POU2F3: variants seen among roughly 807,000 people sequenced by gnomAD.
POU2F3 encodes POU domain, class 2, transcription factor 3.
In POU2F3, 23 loss-of-function variants were observed where a neutral mutation model predicts 59.2. The observed-to-expected ratio is 0.39, with a 90% CI of 0.28 to 0.55. POU2F3 has a LOEUF of 0.55. POU2F3 is among the 20% of genes least tolerant of loss of function. POU2F3 has a pLI of 0.66. For synonymous variants in POU2F3, 190 were observed against 214.6 expected (o/e 0.89, Z 1.00); for missense variants, 473 against 544.5 (o/e 0.87, Z 1.31).
rs571481227 is a variant in POU2F3 at position 120,243,918 on chromosome 11, G to A, written c.29-2531G>A. Among the ~76,000 whole-genome samples the A allele has an allele frequency of 2.3e-3, 345 of 152,310 alleles. 1 individual carries two copies. The highest frequency in any genetic ancestry group is 0.01 in the Middle Eastern group (3 of 294). On this transcript the variant is annotated intron_variant, in intron 1 of 12. Transcript: ENST00000543440. ...GGGGAGGGGGTTGATGCCTTTGAAA[G>A]TTATTTTTAGACATGATTAAGACTA...
At chr11:120,259,828 T>G (rs1939515411) in intron 2 of POU2F3, among the ~76,000 whole-genome samples, 1 of 152,216 alleles carries the variant, frequency 6.6e-6, no homozygotes. Flanking sequence ...CTCTGACCAT[T>G]AGGCCACACT....
rs535267390 is a variant in POU2F3, at chr11:120,305,626, C to T, written c.628-18C>T. 3 of 1,612,678 alleles carry T rather than the reference C, an allele frequency of 1.9e-6. No homozygotes were observed. Among genetic ancestry groups the T allele is most frequent in the East Asian group, 4.5e-5 (2 of 44,854 alleles). ...GAGGCTGCCTCTCATGTTCCTCCCCCTCGGTCCCCACGCTTAGGGAGATGT... is the reference window on the plus strand; with the variant it reads ...GAGGCTGCCTCTCATGTTCCTCCCCTTCGGTCCCCACGCTTAGGGAGATGT... On this transcript the variant is annotated intron_variant, in intron 7 of 12. Coordinates refer to ENST00000543440, the MANE Select transcript of POU2F3 (RefSeq NM_014352.4).
At chr11:120,282,452 T>TC (rs1193616370) in intron 3 of POU2F3, among the ~76,000 whole-genome samples, 1 of 152,160 alleles carries the variant, frequency 6.6e-6, no homozygotes, top group East Asian at 1.9e-4. Context: ...GGCTAGGAGT[T>TC]CAAGACCAGG....
intron 11 of POU2F3, among the ~76,000 whole-genome samples, chr11:120,316,732 A>T (rs1328531915): frequency 1.3e-5 from 2 of 152,184 alleles, no homozygotes; most frequent in Non-Finnish European, 2.9e-5. Context: ...AGTTCAGTTC[A>T]TTACTCTAGT....
chr11:120,267,942 G>C (rs1189935739), intron 2 of POU2F3, among the ~76,000 whole-genome samples: 1 of 152,014 alleles, frequency 6.6e-6, no homozygotes, highest in Non-Finnish European at 1.5e-5. Context: ...TTGTGCGGCA[G>C]CTCCAGTCCT....
intron 2 of POU2F3, chr11:120,253,452 G>A (rs1939204058): frequency 6.6e-6 from 1 of 152,238 alleles, no homozygotes; most frequent in Admixed American, 6.5e-5. Context: ...TGGAGACGGA[G>A]TTTCACCATG....
rs951457162 is a variant in POU2F3, at chr11:120,319,118, GC to G, written c.*727del. The G allele has an allele frequency of 6.6e-6, 1 of 152,590 alleles. No homozygotes were observed. The highest frequency in any genetic ancestry group is 2.4e-5 in the African/African-American group (1 of 41,428). The allele number at this position is 152,590 out of a possible 1,614,324, so 9.5% of individuals were successfully genotyped here. A position where few individuals can be genotyped will look rare whatever the true frequency, so the allele number is the denominator to read the frequency against. On this transcript the variant is annotated 3_prime_UTR_variant, in exon 13 of 13. Coordinates refer to ENST00000543440, the MANE Select transcript of POU2F3 (RefSeq NM_014352.4). ...CCACGTCTGCCTAGGGCTCAGGAGTGCTTGTTCTTTCCCTTCCTCCCTGTGT... is the reference window on the plus strand; with the variant it reads ...CCACGTCTGCCTAGGGCTCAGGAGTGTTGTTCTTTCCCTTCCTCCCTGTGT...
At chr11:120,236,724 C>A (rs1022449889), upstream of POU2F3, 1 of 1,467,728 alleles carries the variant, frequency 6.8e-7, no homozygotes, top group Non-Finnish European at 9.2e-7. Flanking sequence ...GAGTTCTCTA[C>A]GTTCCCATTC....
At position 120,317,263 on chromosome 11, in the gene POU2F3, G is replaced by T; in HGVS notation, c.1170G>T (p.Arg390Ser). 6.2e-7 allele frequency: 1 copy of T among 1,614,020 alleles called. No individual in the cohort carries two copies. The highest frequency in any genetic ancestry group is 8.5e-7 in the Non-Finnish European group (1 of 1,179,936). Residue 390 changes from arginine (R) to serine (S), a missense_variant, in exon 12 of 13, where the codon AGG (arginine) becomes AGT (serine). Coordinates refer to ENST00000543440, the MANE Select transcript of POU2F3 (RefSeq NM_014352.4). ...CCTGTTCCCCTGGGAACAACAGCAG[G>T]CCTTCATCTCCTGGCTCAGGACTCC... The part of the protein sequence containing the change: ...TSSCSPGNNS[R>S]PSSPGSGLHA...
intron 3 of POU2F3, among the ~76,000 whole-genome samples, chr11:120,270,426 C>A (rs1395344310): frequency 6.6e-6 from 1 of 152,206 alleles, no homozygotes; most frequent in African/African-American, 2.4e-5. Context: ...ACACTGAATT[C>A]TTCCCAGGAG....
At chr11:120,251,935 T>C (rs1406939923) in intron 2 of POU2F3, among the ~76,000 whole-genome samples, 2 of 151,122 alleles carry the variant, frequency 1.3e-5, no homozygotes, top group African/African-American at 4.9e-5. Flanking sequence ...GCTGGGATTA[T>C]AGGTGTGTGC....
chr11:120,240,408 C>A, intron 1 of POU2F3, 37 bp downstream of exon 1: 1 of 1,372,398 alleles, frequency 7.3e-7, no homozygotes, highest in Non-Finnish European at 9.5e-7. Context: ...ACAGGTGTCA[C>A]TGCGCGTGGG....
chr11:120,236,638 A>G (rs1019558530), upstream of POU2F3: 87 of 1,461,004 alleles, frequency 6.0e-5, no homozygotes, highest in Non-Finnish European at 7.2e-5. Flanking sequence ...TTTCCTCTCT[A>G]TCTCACTCCA....
chr11:120,284,474 G>A (rs1940703657), intron 3 of POU2F3, among the ~76,000 whole-genome samples: 1 of 152,196 alleles, frequency 6.6e-6, no homozygotes, highest in African/African-American at 2.4e-5. Context: ...CTGGGCCCGG[G>A]AGCTATTTAC....
At chr11:120,305,236 G>T (rs1467263114) in intron 7 of POU2F3, 24 bp downstream of exon 7, 4 of 1,607,148 alleles carry the variant, frequency 2.5e-6, no homozygotes, top group Non-Finnish European at 3.4e-6. Context: ...GGAAAAGATA[G>T]AAGAAGTCTA....
At chr11:120,302,466 C>A (rs138262651) in intron 6 of POU2F3, 98 bp downstream of exon 6, 16,762 of 1,175,600 alleles carry the variant, frequency 0.014, 145 homozygotes, top group Non-Finnish European at 0.017. Flanking sequence ...AGGGCACTAA[C>A]CCCTCTGGGG....
chr11:120,240,041 T>G (rs1022430844), upstream of POU2F3, among the ~76,000 whole-genome samples: 6 of 152,162 alleles, frequency 3.9e-5, no homozygotes, highest in East Asian at 9.6e-4. Context: ...GCTCCATGTA[T>G]GCAAATCACT....
At chr11:120,237,462 A>G (rs768977127), upstream of POU2F3, among the ~76,000 whole-genome samples, 4 of 152,090 alleles carry the variant, frequency 2.6e-5, no homozygotes, top group East Asian at 3.9e-4. Context: ...AGAACTCCAT[A>G]TCCCCATTCC....
At chr11:120,288,447 C>G (rs1016318698) in intron 3 of POU2F3, among the ~76,000 whole-genome samples, 1 of 152,124 alleles carries the variant, frequency 6.6e-6, no homozygotes, top group Non-Finnish European at 1.5e-5. Flanking sequence ...GGAAGGATTC[C>G]TGAGAAAATC....
Sources: allele counts gnomAD v4.1 joint callset (sites outside exome capture counted in the v4.1 genomes callset), GRCh38; gene constraint gnomAD v4.1.1; transcripts MANE v1.5; gene names NCBI Gene and HGNC (gene_info 2026-07-23, HGNC 2026-07-21).